Variants in PCDHA7 observed in about 807,000 individuals in gnomAD.
The protein encoded by PCDHA7 is protocadherin alpha 7.
PCDHA7 carries 37 observed loss-of-function variants against 57.2 expected under a neutral mutation model. That is an observed-to-expected ratio of 0.65 (90% CI 0.50 to 0.85). The LOEUF (loss-of-function observed/expected upper bound fraction) is 0.85, where lower values mean the gene tolerates loss of function less well. PCDHA7 is among the 40% of genes least tolerant of loss of function. PCDHA7 has a pLI of 0.00. For missense variants in PCDHA7, 1,188 were observed against 1,241.8 expected, an observed-to-expected ratio of 0.96 and a Z score of 0.65; for synonymous variants, 553 against 558.8, an observed-to-expected ratio of 0.99 and a Z score of 0.15.
chr5:140,856,348 G>A (rs2043945989), intron 1 of PCDHA7: 2 of 1,598,578 alleles, frequency 1.3e-6, no homozygotes, highest in Admixed American at 1.7e-5. Context: ...GGAGCGTGGA[G>A]TGCAGCATCC....
intron 1 of PCDHA7, chr5:140,862,484 G>A (rs2047390468): frequency 2.6e-6 from 1 of 382,510 alleles, no homozygotes; most frequent in Non-Finnish European, 5.2e-6. Context: ...TCCATTGTTG[G>A]TAATCGCTCG....
intron 1 of PCDHA7, chr5:140,969,054 A>G (rs782226153): frequency 6.2e-7 from 1 of 1,614,182 alleles, no homozygotes; most frequent in South Asian, 1.1e-5. Context: ...GCCAACAACA[A>G]TATTGATGCC....
At chr5:140,854,198 C>T (rs1554147125) in intron 1 of PCDHA7, 1 of 547,806 alleles carries the variant, frequency 1.8e-6, no homozygotes, top group East Asian at 1.4e-4. Flanking sequence ...CTACTCCCTA[C>T]TTTTTATTCA....
Position 140,836,495 on chromosome 5 carries a change from C to A in PCDHA7, c.2112C>A (p.Ile704=), listed in dbSNP as rs1318424263. The A allele has an allele frequency of 2.5e-6, 4 of 1,613,766 alleles. No homozygotes were observed. The highest frequency in any genetic ancestry group is 2.2e-5 in the South Asian group (2 of 91,082). The change falls in exon 1 of 4, where the codon ATC becomes ATA. Residue 704 remains isoleucine, a synonymous_variant. Coordinates refer to ENST00000525929, the MANE Select transcript of PCDHA7 (RefSeq NM_018910.3). The part of the protein sequence containing the change: ...VDVNVYLIIA[I]CAVSSLLVLT... ...TCAACGTGTACCTGATCATCGCCAT[C>A]TGCGCGGTGTCCAGTCTGTTGGTGC...
intron 1 of PCDHA7, among the ~76,000 whole-genome samples, chr5:140,925,768 G>A (rs1018599372): frequency 6.6e-6 from 1 of 151,870 alleles, no homozygotes; most frequent in Admixed American, 6.6e-5. Flanking sequence ...TAGTTTCCTG[G>A]TCAAACTCTA....
intron 3 of PCDHA7, among the ~76,000 whole-genome samples, chr5:141,000,001 T>C (rs2097888294): frequency 6.6e-6 from 1 of 152,030 alleles, no homozygotes; most frequent in African/African-American, 2.4e-5. Flanking sequence ...TGGTATTAGA[T>C]TGGCCTCCCC....
chr5:140,859,888 A>T (rs2046074014), intron 1 of PCDHA7: 1 of 152,104 alleles, frequency 6.6e-6, no homozygotes. Context: ...TATTTTGAAA[A>T]AAAATCTTCC....
chr5:140,856,321 C>G lies in PCDHA7; in HGVS notation c.2355+19583C>G, dbSNP rs544932528. ...TGTTTGTGAATTCTCGGATTGACCG[C>G]GAGGAGCTGTGCGGGCGGAGCGTGG... On this transcript the variant is annotated intron_variant, in intron 1 of 3. Transcript: ENST00000525929. 15 of 1,598,548 alleles carry G rather than the reference C, an allele frequency of 9.4e-6. 2 individuals are homozygous for G. In the Admixed American group the frequency reaches 1.3e-4, roughly 14 times the overall value.
intron 1 of PCDHA7, chr5:140,865,282 T>G (rs2048808966): frequency 6.6e-6 from 1 of 152,240 alleles, no homozygotes; most frequent in Non-Finnish European, 1.5e-5. Flanking sequence ...GTAAAATTAC[T>G]TTGCTCTTTT....
chr5:140,849,736 ACCGCGAGAGTGTGT>A, intron 1 of PCDHA7: 1 of 1,598,292 alleles, frequency 6.3e-7, no homozygotes, highest in Non-Finnish European at 8.6e-7. Context: ...AGAGCTCTGG[ACCGCGAGAGTGTGT>A]CCGCCTACGA....
chr5:140,852,883 G>T, intron 1 of PCDHA7: 1 of 933,168 alleles, frequency 1.1e-6, no homozygotes, highest in Non-Finnish European at 1.3e-6. Flanking sequence ...ATCATAAAAC[G>T]TATTTTTTTT....
rs2150254480 is a variant in PCDHA7 at position 140,836,166 on chromosome 5, C to G, written c.1783C>G (p.Arg595Gly). 9 of 1,613,708 alleles carry G rather than the reference C, an allele frequency of 5.6e-6. No homozygotes were observed. The African/African-American group carries it at 1.1e-4, about 19-fold the overall frequency. ...VGAGHVVAKVRAVDADSGYNA... is the reference protein window; with the variant it reads ...VGAGHVVAKVGAVDADSGYNA... ...CGCGGGCCATGTGGTGGCGAAGGTA[C>G]GTGCAGTTGACGCTGACTCAGGCTA... Residue 595 changes from arginine (R) to glycine (G), a missense_variant, in exon 1 of 4, where the codon CGT becomes GGT. This residue lies in a region of PCDHA7 where 892 missense variants were observed against 788.5 expected (regional missense o/e 1.13). Transcript: ENST00000525929.
At chr5:140,881,993 A>C in intron 1 of PCDHA7, 1 of 454,088 alleles carries the variant, frequency 2.2e-6, no homozygotes, top group Non-Finnish European at 3.7e-6. Flanking sequence ...AATGTCAGGA[A>C]ATGCAAGGGG....
At chr5:140,965,716 C>T (rs75761543) in intron 1 of PCDHA7, among the ~76,000 whole-genome samples, 2,507 of 152,272 alleles carry the variant, frequency 0.016, 70 homozygotes, top group African/African-American at 0.056. Flanking sequence ...AGAAGAATCT[C>T]TTTAAAAATT....
At chr5:140,993,532 AG>A (rs2097571069) in intron 3 of PCDHA7, among the ~76,000 whole-genome samples, 7 of 152,102 alleles carry the variant, frequency 4.6e-5, no homozygotes, top group African/African-American at 1.7e-4. Context: ...ACAGAGAGAG[AG>A]AGAGATAGAG....
At chr5:140,927,118 G>A in intron 1 of PCDHA7, 2 of 1,613,946 alleles carry the variant, frequency 1.2e-6, no homozygotes, top group Non-Finnish European at 1.7e-6. Context: ...CGGCAATTTG[G>A]TGGTCAGAGA....
At chr5:140,857,724 A>C in intron 1 of PCDHA7, 1 of 1,597,434 alleles carries the variant, frequency 6.3e-7, no homozygotes. Flanking sequence ...GACGAGAACG[A>C]CAACGCTCCC....
At position 140,942,403 on chromosome 5, in the gene PCDHA7, T is replaced by A. The variant is rs184466711; in HGVS notation, c.2356-36546T>A. Among the ~76,000 whole-genome samples the A allele has an allele frequency of 2.8e-3, 421 of 151,284 alleles. 2 individuals are homozygous for A. The highest frequency in any genetic ancestry group is 0.014 in the Middle Eastern group (4 of 294). The stretch of plus-strand genomic sequence containing the variant: ...TTCCAGCCTGGGCGACAGATGAGAC[T>A]CTGTTTAAAAAAAAAAAAGATATCT... On this transcript the variant is annotated intron_variant, in intron 1 of 3. Transcript: ENST00000525929.
rs868946985 is a variant in PCDHA7, at chr5:140,985,825, T to C, written c.2503+3262T>C. ...CACGATCTCAGCTCACAACAAGCTC[T>C]GCCTCCCGGGTTCATGCCACTCTCC... On this transcript the variant is annotated intron_variant, in intron 3 of 3. Transcript: ENST00000525929. 4.1e-4 allele frequency among the ~76,000 whole-genome samples: 61 copies of C among 148,858 alleles called. 1 individual carries two copies. The highest frequency in any genetic ancestry group is 2.7e-4 in the Admixed American group (4 of 14,688).
Sources: gnomAD v4.1 joint callset for allele counts (sites outside exome capture counted in the v4.1 genomes callset) on GRCh38, gnomAD v4.1.1 for gene constraint, gnomAD v4.1.1 regional missense constraint, MANE v1.5 for transcripts, NCBI Gene and HGNC (gene_info 2026-07-23, HGNC 2026-07-21) for gene names.